Variants in BCAS4 observed in about 807,000 individuals in gnomAD.
BCAS4 encodes breast carcinoma-amplified sequence 4.
In BCAS4, 9 loss-of-function variants were observed where a neutral mutation model predicts 15.7. That is an observed-to-expected ratio of 0.57 (90% CI 0.34 to 1.00). BCAS4 has a LOEUF of 1.00. Ranked by LOEUF, BCAS4 falls within the 50% of genes least tolerant of loss-of-function variation. The pLI is 0.02. For synonymous variants in BCAS4, 101 were observed against 99.5 expected (o/e 1.02, Z -0.09); for missense variants, 225 against 239.1 (o/e 0.94, Z 0.39).
chr20:50,828,836 C>T (rs1467474215), intron 2 of BCAS4, among the ~76,000 whole-genome samples: 2 of 152,122 alleles, frequency 1.3e-5, no homozygotes, highest in African/African-American at 4.8e-5. Flanking sequence ...GAGGGGATTA[C>T]ATGAGGGTGA....
At chr20:50,857,797 C>T (rs1380567232) in intron 4 of BCAS4, among the ~76,000 whole-genome samples, 1 of 152,188 alleles carries the variant, frequency 6.6e-6, no homozygotes, top group Non-Finnish European at 1.5e-5. Context: ...GGCTTTGTGC[C>T]CTGAGAAGTG....
At chr20:50,854,774 C>A (rs1317332241) in intron 4 of BCAS4, among the ~76,000 whole-genome samples, 1 of 152,214 alleles carries the variant, frequency 6.6e-6, no homozygotes, top group Non-Finnish European at 1.5e-5. Context: ...CCCCACCATG[C>A]GGCACCGTAG....
chr20:50,847,307 G>T lies in BCAS4; in HGVS notation c.399+5407G>T, dbSNP rs560953820. Among the ~76,000 whole-genome samples the T allele has an allele frequency of 1.7e-4, 26 of 152,178 alleles. 1 individual carries two copies. In the South Asian group the frequency reaches 5.2e-3, roughly 30 times the overall value. ...TCGACACATTGGCCAAGTTGGTCTC[G>T]AACTCCTGACCTCAAGTGATCCACC... On this transcript the variant is annotated intron_variant, in intron 4 of 4. Transcript: ENST00000371608.
intron 4 of BCAS4, among the ~76,000 whole-genome samples, chr20:50,860,459 C>A (rs1257549287): frequency 6.6e-6 from 1 of 152,222 alleles, no homozygotes; most frequent in Non-Finnish European, 1.5e-5. Context: ...ATCTGCCCTC[C>A]ATTTTTAAGA....
intron 4 of BCAS4, among the ~76,000 whole-genome samples, chr20:50,850,038 G>A (rs1385832075): frequency 1.3e-5 from 2 of 152,166 alleles, no homozygotes; most frequent in Non-Finnish European, 2.9e-5. Context: ...CTGGACTTTA[G>A]GCTGATGACC....
chr20:50,869,554 C>T (rs984030205), intron 4 of BCAS4, among the ~76,000 whole-genome samples: 1 of 152,136 alleles, frequency 6.6e-6, no homozygotes, highest in Admixed American at 6.5e-5. Flanking sequence ...ACATAAAAGT[C>T]AGGCCCAAGG....
At chr20:50,812,550 G>A (rs965515635) in intron 1 of BCAS4, among the ~76,000 whole-genome samples, 5 of 149,764 alleles carry the variant, frequency 3.3e-5, no homozygotes, top group Non-Finnish European at 5.9e-5. Context: ...AGCAATTCTC[G>A]TGCCTCAGCC....
At chr20:50,833,538 C>G (rs533357677) in intron 3 of BCAS4, among the ~76,000 whole-genome samples, 2 of 152,206 alleles carry the variant, frequency 1.3e-5, no homozygotes, top group Non-Finnish European at 2.9e-5. Context: ...GCGTGACAAC[C>G]AAACATGTTG....
chr20:50,844,872 G>A (rs898434835), intron 4 of BCAS4, among the ~76,000 whole-genome samples: 6 of 152,132 alleles, frequency 3.9e-5, no homozygotes, highest in Admixed American at 6.5e-5. Context: ...CAGGAAGCGC[G>A]TCCTGGCCAG....
rs374357543 is a variant in BCAS4, at chr20:50,812,978, G to GTT, written c.91-5233_91-5232insTT. ...ATACAGGCACATGCCACCATGTCCG[G>GTT]CTAATTTTTGTATTTTTTTTTGTAG... On this transcript the variant is annotated intron_variant, in intron 1 of 4. Coordinates refer to ENST00000371608, the MANE Select transcript of BCAS4 (RefSeq NM_198799.4). 2.0e-5 allele frequency among the ~76,000 whole-genome samples: 3 copies of GTT among 152,036 alleles called. No individual in the cohort carries two copies. The East Asian group carries it at 5.8e-4, about 29-fold the overall frequency.
intron 3 of BCAS4, among the ~76,000 whole-genome samples, chr20:50,833,769 A>G (rs1259300490): frequency 6.6e-6 from 1 of 152,026 alleles, no homozygotes; most frequent in Non-Finnish European, 1.5e-5. Context: ...CTGCCCTGAG[A>G]TGGGTGCTGG....
intron 3 of BCAS4, 138 bp downstream of exon 3, chr20:50,830,518 C>G: frequency 1.5e-6 from 1 of 654,620 alleles, no homozygotes; most frequent in Admixed American, 3.3e-5. Context: ...GTTGGGGAGT[C>G]TGCACTCAAG....
chr20:50,795,605 GCTTT>G (rs568460373), intron 1 of BCAS4, among the ~76,000 whole-genome samples: 137 of 152,314 alleles, frequency 9.0e-4, no homozygotes, highest in African/African-American at 3.1e-3. Flanking sequence ...CTCTGTCTGC[GCTTT>G]CTATTTTAAA....
chr20:50,865,381 G>T (rs1294825183), intron 4 of BCAS4, among the ~76,000 whole-genome samples: 1 of 152,112 alleles, frequency 6.6e-6, no homozygotes, highest in Non-Finnish European at 1.5e-5. Context: ...CCCTGGTTTT[G>T]GAGGGTGCCG....
At chr20:50,852,090 C>T (rs943625058) in intron 4 of BCAS4, among the ~76,000 whole-genome samples, 6 of 152,220 alleles carry the variant, frequency 3.9e-5, no homozygotes, top group Non-Finnish European at 8.8e-5. Context: ...CCACCCGGTA[C>T]GGAGTAACTG....
At chr20:50,849,624 G>A (rs1398613918) in intron 4 of BCAS4, among the ~76,000 whole-genome samples, 2 of 152,206 alleles carry the variant, frequency 1.3e-5, no homozygotes, top group East Asian at 3.8e-4. Context: ...GGGGACTGTG[G>A]CGAATTGCAG....
At chr20:50,825,505 A>G (rs1382807207) in intron 2 of BCAS4, among the ~76,000 whole-genome samples, 1 of 152,242 alleles carries the variant, frequency 6.6e-6, no homozygotes, top group Non-Finnish European at 1.5e-5. Context: ...ACCTCTGGGC[A>G]GATATAAACA....
chr20:50,836,618 G>A (rs1568669590), intron 3 of BCAS4, among the ~76,000 whole-genome samples: 1 of 152,320 alleles, frequency 6.6e-6, no homozygotes, highest in East Asian at 1.9e-4. Flanking sequence ...TCCACAGAGT[G>A]TAAGTCCACC....
intron 1 of BCAS4, among the ~76,000 whole-genome samples, chr20:50,810,296 T>A (rs1269079921): frequency 4.6e-5 from 7 of 152,002 alleles, no homozygotes; most frequent in African/African-American, 1.7e-4. Flanking sequence ...CATCACATCC[T>A]ATTGGTCTAA....
Sources: allele counts gnomAD v4.1 joint callset (sites outside exome capture counted in the v4.1 genomes callset), GRCh38; gene constraint gnomAD v4.1.1; transcripts MANE v1.5; gene names NCBI Gene and HGNC (gene_info 2026-07-23, HGNC 2026-07-21).